EXOC6: variants seen among roughly 807,000 people sequenced by gnomAD.
The protein encoded by EXOC6 is SEC15-like 1.
A neutral mutation model predicts 112.5 loss-of-function variants in EXOC6; 60 were observed. That is an observed-to-expected ratio of 0.53 (90% CI 0.43 to 0.66). The LOEUF (loss-of-function observed/expected upper bound fraction) is 0.66. EXOC6 is among the 30% of genes least tolerant of loss of function. The pLI is 0.00. For synonymous variants in EXOC6, 295 were observed against 308.0 expected, an observed-to-expected ratio of 0.96 and a Z score of 0.44; for missense variants, 855 against 957.1, an observed-to-expected ratio of 0.89 and a Z score of 1.41.
intron 1 of EXOC6, among the ~76,000 whole-genome samples, chr10:92,889,085 G>T (rs1476805290): frequency 6.6e-6 from 1 of 152,076 alleles, no homozygotes; most frequent in African/African-American, 2.4e-5. Context: ...CAGATCCTTT[G>T]GTGTGATAAT....
chr10:92,848,453 CTTCGCG>C, upstream of EXOC6: 2 of 1,114,270 alleles, frequency 1.8e-6, no homozygotes, highest in Non-Finnish European at 2.3e-6. Context: ...CGCCCCGCCC[CTTCGCG>C]CTCGCGCCAC....
At chr10:92,913,047 A>G (rs1486724733) in intron 6 of EXOC6, among the ~76,000 whole-genome samples, 1 of 152,200 alleles carries the variant, frequency 6.6e-6, no homozygotes, top group Non-Finnish European at 1.5e-5. Flanking sequence ...TCATTCTGGC[A>G]GTCCAAACTG....
At chr10:92,971,518 G>A (rs1842296857) in intron 17 of EXOC6, among the ~76,000 whole-genome samples, 1 of 152,058 alleles carries the variant, frequency 6.6e-6, no homozygotes, top group African/African-American at 2.4e-5. Flanking sequence ...GGGATTACAG[G>A]CACACACCAC....
chr10:93,008,669 C>T (rs777048908), intron 19 of EXOC6, among the ~76,000 whole-genome samples: 24 of 152,094 alleles, frequency 1.6e-4, no homozygotes, highest in Non-Finnish European at 2.6e-4. Context: ...GGACCATAGA[C>T]AATATTAGTA....
At chr10:92,848,433 GCC>G, upstream of EXOC6, 1 of 855,808 alleles carries the variant, frequency 1.2e-6, no homozygotes, top group Non-Finnish European at 1.4e-6. Flanking sequence ...CGGCCCGAGC[GCC>G]CCGCCCCCGC....
At chr10:92,873,914 G>A (rs1848570329) in intron 1 of EXOC6, among the ~76,000 whole-genome samples, 1 of 152,018 alleles carries the variant, frequency 6.6e-6, no homozygotes, top group Admixed American at 6.6e-5. Context: ...TTAGCCAGGT[G>A]TGTTGGTACA....
At chr10:92,975,921 G>T (rs1281412575) in intron 18 of EXOC6, among the ~76,000 whole-genome samples, 3 of 133,586 alleles carry the variant, frequency 2.2e-5, no homozygotes, top group Admixed American at 7.2e-5. Flanking sequence ...AGGGAGGTGG[G>T]GGGGTCAGCC....
At chr10:92,860,788 TC>T (rs1389446995) in intron 1 of EXOC6, among the ~76,000 whole-genome samples, 1 of 152,224 alleles carries the variant, frequency 6.6e-6, no homozygotes, top group African/African-American at 2.4e-5. Context: ...GTCATACTTT[TC>T]TTCCTTTTTT....
At chr10:92,887,364 A>G (rs1849274843) in intron 1 of EXOC6, among the ~76,000 whole-genome samples, 1 of 151,316 alleles carries the variant, frequency 6.6e-6, no homozygotes, top group Non-Finnish European at 1.5e-5. Context: ...AGAGGATTAA[A>G]TCAACTACTT....
At chr10:93,000,986 C>G (rs1171777070) in intron 19 of EXOC6, among the ~76,000 whole-genome samples, 2 of 152,144 alleles carry the variant, frequency 1.3e-5, no homozygotes, top group African/African-American at 4.8e-5. Context: ...TTAAGTATTT[C>G]TGTTTAAATC....
At chr10:92,871,345 AG>A (rs1177343387) in intron 1 of EXOC6, among the ~76,000 whole-genome samples, 1 of 148,526 alleles carries the variant, frequency 6.7e-6, no homozygotes, top group Admixed American at 6.7e-5. Flanking sequence ...TGCGTGACAT[AG>A]GGAGACCCAG....
At chr10:93,021,993 G>GGATA (rs1844814823) in intron 20 of EXOC6, among the ~76,000 whole-genome samples, 1 of 152,012 alleles carries the variant, frequency 6.6e-6, no homozygotes. Flanking sequence ...TGATTTTTCC[G>GGATA]GATAGATAGA....
intron 17 of EXOC6, among the ~76,000 whole-genome samples, chr10:92,963,546 T>TC (rs1217772344): frequency 6.6e-6 from 1 of 151,784 alleles, no homozygotes; most frequent in African/African-American, 2.4e-5. Flanking sequence ...TTTTTTTTTT[T>TC]TTTGGATCAT....
At chr10:93,056,736 T>C (rs920167150) in intron 20 of EXOC6, among the ~76,000 whole-genome samples, 188 bp from the exon 21 acceptor site, 4 of 152,212 alleles carry the variant, frequency 2.6e-5, no homozygotes, top group Non-Finnish European at 5.9e-5. Flanking sequence ...GCATTTTTAG[T>C]AATTTCAAAG....
At chr10:92,845,041 C>T (rs1295903265), upstream of EXOC6, among the ~76,000 whole-genome samples, 3 of 152,188 alleles carry the variant, frequency 2.0e-5, no homozygotes, top group African/African-American at 7.2e-5. Context: ...AAGTCAAATC[C>T]TTACTTTGCC....
chr10:92,966,502 T>G (rs971115888), intron 17 of EXOC6, among the ~76,000 whole-genome samples: 16 of 144,114 alleles, frequency 1.1e-4, no homozygotes, highest in Non-Finnish European at 6.0e-5. Flanking sequence ...GTGTTCTCAT[T>G]GTTCAATTCC....
chr10:92,880,730 C>T (rs966187672), intron 1 of EXOC6, among the ~76,000 whole-genome samples: 7 of 151,840 alleles, frequency 4.6e-5, no homozygotes, highest in Non-Finnish European at 1.5e-5. Context: ...CATTAAGGAA[C>T]TGTCTTGAGC....
chr10:92,882,527 T>C (rs1275411318), intron 1 of EXOC6, among the ~76,000 whole-genome samples: 1 of 127,696 alleles, frequency 7.8e-6, no homozygotes, highest in Non-Finnish European at 1.6e-5. Flanking sequence ...CTGGGCAACA[T>C]GAGTGAGGCT....
At chr10:93,022,835 T>G (rs1453970802) in intron 20 of EXOC6, among the ~76,000 whole-genome samples, 1 of 152,150 alleles carries the variant, frequency 6.6e-6, no homozygotes, top group East Asian at 1.9e-4. Context: ...TAAGGATGCT[T>G]TAAAGTTTCA....
Sources: allele counts gnomAD v4.1 joint callset (sites outside exome capture counted in the v4.1 genomes callset), GRCh38; gene constraint gnomAD v4.1.1; transcripts MANE v1.5; gene names NCBI Gene and HGNC (gene_info 2026-07-23, HGNC 2026-07-21).